OLFM3: variants seen among roughly 807,000 people sequenced by gnomAD.
OLFM3 encodes the protein olfactomedin 3, also known as noelin-3.
A neutral mutation model predicts 48.6 loss-of-function variants in OLFM3; 20 were observed. The observed-to-expected ratio is 0.41, with a 90% CI of 0.29 to 0.60. OLFM3 has a LOEUF of 0.60. OLFM3 is among the 20% of genes least tolerant of loss of function. OLFM3 has a pLI of 0.28. For synonymous variants in OLFM3, 222 were observed against 198.1 expected, an observed-to-expected ratio of 1.12 and a Z score of -1.01; for missense variants, 437 against 544.3, an observed-to-expected ratio of 0.80 and a Z score of 1.96.
At chr1:101,924,996 G>C (rs975103855) in intron 1 of OLFM3, among the ~76,000 whole-genome samples, 1 of 152,134 alleles carries the variant, frequency 6.6e-6, no homozygotes, top group Non-Finnish European at 1.5e-5. Flanking sequence ...TCTAGGGCTG[G>C]AAAGAGGTTA....
intron 1 of OLFM3, among the ~76,000 whole-genome samples, chr1:101,978,173 C>G (rs1339630999): frequency 6.6e-6 from 1 of 152,104 alleles, no homozygotes; most frequent in East Asian, 1.9e-4. Context: ...TATTATTTTC[C>G]CAATTGTATT....
chr1:101,990,126 G>A (rs1266795217), intron 1 of OLFM3, among the ~76,000 whole-genome samples: 1 of 152,114 alleles, frequency 6.6e-6, no homozygotes, highest in Non-Finnish European at 1.5e-5. Context: ...ATATTATGAA[G>A]CCACTCTTCG....
intron 1 of OLFM3, among the ~76,000 whole-genome samples, chr1:101,840,971 T>C (rs554690861): frequency 9.8e-5 from 15 of 152,356 alleles, no homozygotes; most frequent in South Asian, 2.1e-4. Context: ...GAGCAGTTTT[T>C]AATATTGTAA....
chr1:101,981,711 C>T (rs1661110759), intron 1 of OLFM3, among the ~76,000 whole-genome samples: 2 of 152,214 alleles, frequency 1.3e-5, no homozygotes, highest in Admixed American at 1.3e-4. Flanking sequence ...ACCAAAATTT[C>T]CCATCTTAAG....
intron 1 of OLFM3, among the ~76,000 whole-genome samples, chr1:101,858,832 C>G (rs1656531733): frequency 6.6e-6 from 1 of 152,072 alleles, no homozygotes; most frequent in South Asian, 2.1e-4. Flanking sequence ...GTCAATTAAA[C>G]CTCTTTTCTT....
chr1:101,972,512 T>A (rs1364827146), intron 1 of OLFM3, among the ~76,000 whole-genome samples: 1 of 152,170 alleles, frequency 6.6e-6, no homozygotes, highest in Non-Finnish European at 1.5e-5. Flanking sequence ...AGGATGTTGG[T>A]TTGGAAAACA....
chr1:101,883,762 G>C (rs1657630669), intron 1 of OLFM3, among the ~76,000 whole-genome samples: 1 of 151,774 alleles, frequency 6.6e-6, no homozygotes, highest in Non-Finnish European at 1.5e-5. Context: ...TTGCATTTTT[G>C]TATTCTCAAG....
At chr1:101,984,182 T>G (rs1204217081) in intron 1 of OLFM3, among the ~76,000 whole-genome samples, 5 of 141,050 alleles carry the variant, frequency 3.5e-5, no homozygotes, top group Admixed American at 2.3e-4. Context: ...GAGGTTGCAG[T>G]GAGCCAAGAT....
In OLFM3 at chr1:101,804,443, A is replaced by T; in HGVS notation, c.1172T>A (p.Leu391Ter). 1 of 1,612,528 alleles carries T rather than the reference A, an allele frequency of 6.2e-7. No individual in the cohort carries two copies. The highest frequency in any genetic ancestry group is 1.3e-5 in the African/African-American group (1 of 74,868). Residue 391 changes from leucine (L) to a stop codon, truncating the protein, a stop_gained, in exon 6 of 6, where the codon TTA (leucine) becomes TAA (stop). Transcript: ENST00000370103. LOFTEE classifies it high-confidence loss of function. The surrounding 1 kb of genome is among the most constrained non-coding windows in gnomAD (Gnocchi z 4.5). Reference sequence around the variant, plus strand: ...GGAATAATACACCTTGGCTCCAGTTAAGTGGGAGTTGGTGACATACAGTGT... The same window carrying T: ...GGAATAATACACCTTGGCTCCAGTTTAGTGGGAGTTGGTGACATACAGTGT... ...CGTLYVTNSH[L>*]TGAKVYYSYS...
chr1:101,839,162 T>A (rs946411252), intron 1 of OLFM3, among the ~76,000 whole-genome samples: 2 of 152,212 alleles, frequency 1.3e-5, no homozygotes, highest in African/African-American at 2.4e-5. Flanking sequence ...TTTAAAAAAA[T>A]TAATTCATAG....
At chr1:101,898,762 T>G (rs888566867) in intron 1 of OLFM3, among the ~76,000 whole-genome samples, 9 of 151,996 alleles carry the variant, frequency 5.9e-5, no homozygotes, top group Non-Finnish European at 1.3e-4. Flanking sequence ...GGCATGAGAA[T>G]CACTTGAGTC....
chr1:101,825,438 C>T (rs1318501130), intron 3 of OLFM3, among the ~76,000 whole-genome samples, 193 bp from the exon 4 acceptor site: 2 of 152,128 alleles, frequency 1.3e-5, no homozygotes, highest in Non-Finnish European at 2.9e-5. Context: ...TTTATTTCAG[C>T]TTTTCCATAT....
intron 1 of OLFM3, among the ~76,000 whole-genome samples, chr1:101,851,324 G>A (rs1216011446): frequency 6.6e-6 from 1 of 152,110 alleles, no homozygotes; most frequent in Admixed American, 6.6e-5. Flanking sequence ...AATGTGAAAT[G>A]GTTATTTGAG....
At chr1:101,905,599 C>G (rs1428949565) in intron 1 of OLFM3, among the ~76,000 whole-genome samples, 1 of 152,058 alleles carries the variant, frequency 6.6e-6, no homozygotes, top group Non-Finnish European at 1.5e-5. Flanking sequence ...GCTCATCAAG[C>G]TAACAGCCAG....
At chr1:101,893,662 C>T (rs115881962) in intron 1 of OLFM3, 5,186 of 176,434 alleles carry the variant, frequency 0.029, 97 homozygotes, top group African/African-American at 0.036. Flanking sequence ...AAACCAATAT[C>T]CACTCTTGAC....
At chr1:101,992,450 G>T (rs1661439059) in intron 1 of OLFM3, among the ~76,000 whole-genome samples, 1 of 152,062 alleles carries the variant, frequency 6.6e-6, no homozygotes, top group African/African-American at 2.4e-5. Flanking sequence ...CCACATCAGG[G>T]TTTACTGGTG....
chr1:101,980,786 G>A (rs1661086891), intron 1 of OLFM3, among the ~76,000 whole-genome samples: 1 of 152,036 alleles, frequency 6.6e-6, no homozygotes. Flanking sequence ...ACTAGTTTAT[G>A]GCTTTGTGCA....
intron 3 of OLFM3, among the ~76,000 whole-genome samples, chr1:101,829,443 C>G (rs995053923): frequency 1.3e-5 from 2 of 152,192 alleles, no homozygotes; most frequent in African/African-American, 4.8e-5. Context: ...TCCTTTGTGA[C>G]CGTCTGGGTA....
rs558256089 is a variant in OLFM3, at chr1:101,949,101, T to C, written c.69+47647A>G. On this transcript the variant is annotated intron_variant, in intron 1 of 5. Coordinates refer to ENST00000370103, the MANE Select transcript of OLFM3 (RefSeq NM_058170.4). ...ATTTTGCCTGTTTTTAATTGTATAA[T>C]ATATAATAACACTATTCCAATCACA... 9.5e-4 allele frequency among the ~76,000 whole-genome samples: 145 copies of C among 152,070 alleles called. 1 individual carries two copies. Among genetic ancestry groups the C allele is most frequent in the African/African-American group, 3.3e-3 (136 of 41,536 alleles).
Sources: gnomAD v4.1 joint callset for allele counts (sites outside exome capture counted in the v4.1 genomes callset) on GRCh38, gnomAD v4.1.1 for gene constraint, Gnocchi (gnomAD v3.1) non-coding constraint, MANE v1.5 for transcripts, NCBI Gene and HGNC (gene_info 2026-07-23, HGNC 2026-07-21) for gene names.